Variants in RIBC2 observed in about 807,000 individuals in gnomAD.
RIBC2 encodes the protein RIB43A domain with coiled-coils 2.
Under a neutral mutation model 44.3 loss-of-function variants are expected in RIBC2, and 40 were observed. The ratio of observed to expected loss-of-function variants is 0.90; its 90% confidence interval spans 0.70 to 1.18. The LOEUF (loss-of-function observed/expected upper bound fraction) is 1.18. Among genes scored for constraint, RIBC2 ranks in the 50% most tolerant of loss-of-function variants. RIBC2 has a pLI of 0.00. For missense variants in RIBC2, 459 were observed against 485.5 expected (o/e 0.95, Z 0.51); for synonymous variants, 171 against 175.0 (o/e 0.98, Z 0.18).
intron 4 of RIBC2, among the ~76,000 whole-genome samples, chr22:45,423,625 T>C (rs1159941079): frequency 2.6e-5 from 4 of 151,926 alleles, no homozygotes; most frequent in African/African-American, 7.3e-5. Context: ...CAGTCAAAAA[T>C]CCCAGAGAGG....
intron 3 of RIBC2, 184 bp downstream of exon 3, chr22:45,418,130 T>C: frequency 2.0e-6 from 1 of 490,118 alleles, no homozygotes; most frequent in Non-Finnish European, 3.6e-6. Flanking sequence ...TTTGGCCCTG[T>C]GGGGAAAGAA....
At chr22:45,426,223 G>T (rs375224816) in intron 5 of RIBC2, 48 bp downstream of exon 5, 73 of 1,497,254 alleles carry the variant, frequency 4.9e-5, no homozygotes, top group Non-Finnish European at 6.4e-5. Flanking sequence ...CAGGCTCTTT[G>T]CTCCCACTGC....
At chr22:45,430,817 G>T in intron 5 of RIBC2, 83 bp from the exon 6 acceptor site, 1 of 1,421,904 alleles carries the variant, frequency 7.0e-7, no homozygotes, top group South Asian at 1.5e-5. Context: ...TCTGTAGAAT[G>T]AGAGGCCAGG....
At position 45,421,573 on chromosome 22, in the gene RIBC2, A is replaced by G. The variant is rs1285694365; in HGVS notation, c.557-717A>G. ...TAATAATAATAGTATTATTAATAAT[A>G]GTATTATTAATAATAATAATAGTAT... is the stretch of plus-strand genomic sequence containing the variant. On this transcript the variant is annotated intron_variant, in intron 3 of 6. Coordinates refer to ENST00000614167, the MANE Select transcript of RIBC2 (RefSeq NM_015653.5). Among the ~76,000 whole-genome samples, 265 of 121,624 alleles carry G rather than the reference A, an allele frequency of 2.2e-3. 6 individuals are homozygous for G. Among genetic ancestry groups the G allele is most frequent in the African/African-American group, 8.5e-3 (258 of 30,204 alleles). The allele number at this position is 121,624 out of a possible 152,430, so 79.8% of individuals were successfully genotyped here.
chr22:45,416,455 TTTTTG>T (rs925138443), intron 2 of RIBC2, among the ~76,000 whole-genome samples: 6 of 151,646 alleles, frequency 4.0e-5, no homozygotes, highest in Non-Finnish European at 5.9e-5. Flanking sequence ...AAATGAGAGG[TTTTTG>T]TTTTGTTTTG....
chr22:45,413,765 C>A lies in RIBC2; in HGVS notation c.-122C>A. 3 of 1,369,058 alleles carry A rather than the reference C, an allele frequency of 2.2e-6. No individual in the cohort carries two copies. Among genetic ancestry groups the A allele is most frequent in the East Asian group, 2.5e-5 (1 of 39,572 alleles). 84.8% of individuals were successfully genotyped at this position (1,369,058 alleles called of 1,614,324 possible). A position where few individuals can be genotyped will look rare whatever the true frequency, so the allele number is the denominator to read the frequency against. ...TCACTGGGAGCCCGACGGAAAACTG[C>A]GCTAAAGGCTTGTCTTTCCCCTGCC... On this transcript the variant is annotated 5_prime_UTR_variant, in exon 1 of 7. Transcript: ENST00000614167.
chr22:45,430,011 C>T (rs1020440706), intron 5 of RIBC2, among the ~76,000 whole-genome samples: 1 of 152,116 alleles, frequency 6.6e-6, no homozygotes, highest in African/African-American at 2.4e-5. Flanking sequence ...CCATGCCATT[C>T]CCTGTTTGCC....
rs1411603812 is a variant in RIBC2, at chr22:45,431,077, G to A, written c.1070+11G>A. 6.4e-7 allele frequency: 1 copy of A among 1,564,178 alleles called. No individual in the cohort carries two copies. Among genetic ancestry groups the A allele is most frequent in the South Asian group, 1.2e-5 (1 of 85,038 alleles). On this transcript the variant is annotated intron_variant, in intron 6 of 6. Coordinates refer to ENST00000614167, the MANE Select transcript of RIBC2 (RefSeq NM_015653.5). The stretch of plus-strand genomic sequence containing the variant: ...GGAGCAGCATTTGCAGTGAGTGCTG[G>A]GTGGGACCAGGGCCAGGTGGGGGAC...
intron 3 of RIBC2, among the ~76,000 whole-genome samples, chr22:45,419,998 C>G (rs2087462602): frequency 1.3e-5 from 2 of 152,174 alleles, no homozygotes; most frequent in Admixed American, 1.3e-4. Context: ...TGCACTCCAC[C>G]CTGGGTGAGA....
chr22:45,425,774 C>T (rs2087527802), intron 4 of RIBC2, among the ~76,000 whole-genome samples, 174 bp from the exon 5 acceptor site: 1 of 152,168 alleles, frequency 6.6e-6, no homozygotes, highest in Non-Finnish European at 1.5e-5. Context: ...CGCAGGCAGC[C>T]AGGGGTTCAA....
intron 3 of RIBC2, 60 bp downstream of exon 3, chr22:45,418,006 GTTTT>G: frequency 5.0e-6 from 3 of 597,638 alleles, no homozygotes; most frequent in East Asian, 3.6e-5. Context: ...CAACCCTACA[GTTTT>G]TTTTTTTTTT....
At chr22:45,432,221 AAAAAG>A (rs887004623) in intron 6 of RIBC2, 58 bp from the exon 7 acceptor site, 109 of 930,340 alleles carry the variant, frequency 1.2e-4, no homozygotes, top group Middle Eastern at 6.7e-4. Flanking sequence ...CAAAAAAAAA[AAAAAG>A]AAAGAATAGG....
At chr22:45,418,260 TCCCTG>T (rs1192175612) in intron 3 of RIBC2, 4 of 205,002 alleles carry the variant, frequency 2.0e-5, no homozygotes, top group Non-Finnish European at 4.0e-5. Context: ...TCAGAATCGG[TCCCTG>T]CCCTCCCAGT....
At chr22:45,415,509 A>G (rs941148633) in intron 2 of RIBC2, among the ~76,000 whole-genome samples, 4 of 152,040 alleles carry the variant, frequency 2.6e-5, no homozygotes, top group African/African-American at 9.7e-5. Context: ...TGACAGGTAC[A>G]TATGTACCCA....
intron 5 of RIBC2, among the ~76,000 whole-genome samples, chr22:45,428,298 C>A (rs976223964): frequency 1.3e-5 from 2 of 152,210 alleles, no homozygotes. Flanking sequence ...GCAGACAGCA[C>A]TTACAAGGCG....
At chr22:45,429,301 A>G (rs2087559198) in intron 5 of RIBC2, among the ~76,000 whole-genome samples, 1 of 152,070 alleles carries the variant, frequency 6.6e-6, no homozygotes, top group Admixed American at 6.6e-5. Flanking sequence ...TGAAGCCGGG[A>G]CTAGATCTTT....
intron 4 of RIBC2, among the ~76,000 whole-genome samples, chr22:45,425,729 T>C (rs1309898697): frequency 6.6e-6 from 1 of 152,114 alleles, no homozygotes; most frequent in African/African-American, 2.4e-5. Flanking sequence ...CAACAGGTGG[T>C]GATCCCCCGA....
chr22:45,430,925 G>T lies in RIBC2; in HGVS notation c.929G>T (p.Arg310Leu), dbSNP rs757196672. The change falls in exon 6 of 7, where the codon CGA (arginine) becomes CTA (leucine). Residue 310 changes from arginine to leucine, a missense_variant. Arg to Leu is a moderately radical substitution (Grantham distance 102). Transcript: ENST00000614167. ...AGGCTCCAGGAAGAAAAGCGCCAGC[G>T]AGACCTGGACTGGGACCGGCGGAGG... ...KLRLQEEKRQ[R>L]DLDWDRRRIQ... The T allele has an allele frequency of 2.7e-5, 43 of 1,601,610 alleles. No homozygotes were observed. Among genetic ancestry groups the T allele is most frequent in the Non-Finnish European group, 3.6e-5 (42 of 1,173,416 alleles).
Position 45,414,028 on chromosome 22 carries a change from G to T in RIBC2, c.129+13G>T. 2 of 1,551,448 alleles carry T rather than the reference G, an allele frequency of 1.3e-6. No individual in the cohort carries two copies. Among genetic ancestry groups the T allele is most frequent in the Non-Finnish European group, 1.7e-6 (2 of 1,146,818 alleles). On this transcript the variant is annotated intron_variant, in intron 1 of 6. Coordinates refer to ENST00000614167, the MANE Select transcript of RIBC2 (RefSeq NM_015653.5). ...CAGGATAATTGGGGTGAAAGGGCAG[G>T]GGCCGGGACGGGGTTAGAGCGGCAG...
Sources: gnomAD v4.1 joint callset for allele counts (sites outside exome capture counted in the v4.1 genomes callset) on GRCh38, gnomAD v4.1.1 for gene constraint, MANE v1.5 for transcripts, NCBI Gene and HGNC (gene_info 2026-07-23, HGNC 2026-07-21) for gene names.